The following FOXK1 variants were observed in gnomAD, a reference collection of about 807,000 sequenced individuals.
FOXK1 encodes forkhead box K1, also known as forkhead box protein K1.
FOXK1 carries 19 observed loss-of-function variants against 51.9 expected under a neutral mutation model. That is an observed-to-expected ratio of 0.37 (90% CI 0.26 to 0.54). The LOEUF is 0.54. FOXK1 is among the 20% of genes least tolerant of loss of function. The probability of loss-of-function intolerance (pLI) is 0.87; values close to 1 mark genes in which losing one functional copy is unlikely to be tolerated. For missense variants in FOXK1, 870 were observed against 1,032.7 expected (o/e 0.84, Z 2.16); for synonymous variants, 537 against 482.6 (o/e 1.11, Z -1.48).
intron 1 of FOXK1, among the ~76,000 whole-genome samples, chr7:4,721,238 G>A (rs540932486): frequency 4.6e-5 from 7 of 152,290 alleles, no homozygotes; most frequent in East Asian, 1.9e-4. Context: ...CCTGGACATC[G>A]TGGGGGCTTT....
In FOXK1 at chr7:4,753,269, C is replaced by T. The variant is rs897828512; in HGVS notation, c.747-1190C>T. Among the ~76,000 whole-genome samples, 7 of 152,202 alleles carry T rather than the reference C, an allele frequency of 4.6e-5. No individual in the cohort carries two copies. The highest frequency in any genetic ancestry group is 1.7e-4 in the African/African-American group (7 of 41,448). ...CATCCAAAAAATGTTTCTTGAGCCCCGCCTGCACCCAAGGGGGCTCCTACT... is the reference window on the plus strand; with the variant it reads ...CATCCAAAAAATGTTTCTTGAGCCCTGCCTGCACCCAAGGGGGCTCCTACT... On this transcript the variant is annotated intron_variant, in intron 2 of 8. Transcript: ENST00000328914. The surrounding 1 kb of genome is among the most constrained non-coding windows in gnomAD (Gnocchi z 4.9).
rs1482613172 is a variant in FOXK1 at position 4,703,272 on chromosome 7, T to C, written c.560+20404T>C. Among the ~76,000 whole-genome samples, 1 of 151,852 alleles carries C rather than the reference T, an allele frequency of 6.6e-6. No homozygotes were observed. The highest frequency in any genetic ancestry group is 1.5e-5 in the Non-Finnish European group (1 of 67,954). On this transcript the variant is annotated intron_variant, in intron 1 of 8. Transcript: ENST00000328914. The surrounding 1 kb of genome is among the most constrained non-coding windows in gnomAD (Gnocchi z 5.6). ...GAGACAGACCTCCAGCCATTGGGCC[T>C]CTCCGCTCTGGGGTGAGGGGAGGGA...
At position 4,715,512 on chromosome 7, in the gene FOXK1, C is replaced by T. The variant is rs1012167196; in HGVS notation, c.561-25326C>T. On this transcript the variant is annotated intron_variant, in intron 1 of 8. Coordinates refer to ENST00000328914, the MANE Select transcript of FOXK1 (RefSeq NM_001037165.2). The surrounding 1 kb of genome is among the most constrained non-coding windows in gnomAD (Gnocchi z 4.5). ...CGGTAGGAGCTGGAATGCCCGAGCT[C>T]TGAGAAGCTCTTCATCTATCAGCAG... 6.6e-6 allele frequency among the ~76,000 whole-genome samples: 1 copy of T among 152,302 alleles called. No individual in the cohort carries two copies. Among genetic ancestry groups the T allele is most frequent in the Non-Finnish European group, 1.5e-5 (1 of 68,038 alleles).
rs1381829367 is a variant in FOXK1 at position 4,683,410 on chromosome 7, A to G, written c.560+542A>G. Among the ~76,000 whole-genome samples the G allele has an allele frequency of 2.7e-5, 4 of 145,742 alleles. No homozygotes were observed. Among genetic ancestry groups the G allele is most frequent in the African/African-American group, 1.0e-4 (4 of 38,856 alleles). ...GCCTAAACACGCAAGGTTAACCGCG[A>G]CCCCCACTTCCTAGGCCCCCCCGGA... On this transcript the variant is annotated intron_variant, in intron 1 of 8. Coordinates refer to ENST00000328914, the MANE Select transcript of FOXK1 (RefSeq NM_001037165.2). This position sits in a 1 kb window ranked among gnomAD's most constrained non-coding sequence, Gnocchi z 4.5.
rs565262683 is a variant in FOXK1 at position 4,683,279 on chromosome 7, C to T, written c.560+411C>T. 2.0e-5 allele frequency among the ~76,000 whole-genome samples: 3 copies of T among 151,730 alleles called. No homozygotes were observed. Among genetic ancestry groups the T allele is most frequent in the South Asian group, 4.2e-4 (2 of 4,798 alleles). On this transcript the variant is annotated intron_variant, in intron 1 of 8. Coordinates refer to ENST00000328914, the MANE Select transcript of FOXK1 (RefSeq NM_001037165.2). This position sits in a 1 kb window ranked among gnomAD's most constrained non-coding sequence, Gnocchi z 4.5. Reference sequence around the variant, plus strand: ...CCCATCTGGCTGGGCCTCTTAGACCCCTGACCCAGATCCCTGCTGCTCCCC... The same window carrying T: ...CCCATCTGGCTGGGCCTCTTAGACCTCTGACCCAGATCCCTGCTGCTCCCC...
chr7:4,726,296 G>A (rs1016813139), intron 1 of FOXK1, among the ~76,000 whole-genome samples: 7 of 152,244 alleles, frequency 4.6e-5, no homozygotes, highest in African/African-American at 9.6e-5. Context: ...AGCTGGCCGC[G>A]GCAGGACGGC....
At chr7:4,692,833 C>T (rs1209347923) in intron 1 of FOXK1, among the ~76,000 whole-genome samples, 2 of 151,320 alleles carry the variant, frequency 1.3e-5, no homozygotes, top group Non-Finnish European at 2.9e-5. Flanking sequence ...CTCAAGCAGT[C>T]CTCCTGCCTC....
In FOXK1 at chr7:4,756,933, G is replaced by C; in HGVS notation, c.1051-61G>C. ...GGTCCCGCATCTGCTGCAGATTTGA[G>C]GTGGGTGGGACTCATTTTCTGATTT... is the stretch of plus-strand genomic sequence containing the variant. On this transcript the variant is annotated intron_variant, in intron 4 of 8. Coordinates refer to ENST00000328914, the MANE Select transcript of FOXK1 (RefSeq NM_001037165.2). This position sits in a 1 kb window ranked among gnomAD's most constrained non-coding sequence, Gnocchi z 4.1. 1 of 1,564,560 alleles carries C rather than the reference G, an allele frequency of 6.4e-7. No homozygotes were observed. The highest frequency in any genetic ancestry group is 8.7e-7 in the Non-Finnish European group (1 of 1,149,002).
chr7:4,716,929 G>A (rs1780241685), intron 1 of FOXK1, among the ~76,000 whole-genome samples: 1 of 152,218 alleles, frequency 6.6e-6, no homozygotes, highest in African/African-American at 2.4e-5. Flanking sequence ...CCAGGTGAAG[G>A]GCAAGTTGTA....
In FOXK1 at chr7:4,707,631, G is replaced by A. The variant is rs904206956; in HGVS notation, c.560+24763G>A. Among the ~76,000 whole-genome samples, 8 of 151,984 alleles carry A rather than the reference G, an allele frequency of 5.3e-5. No individual in the cohort carries two copies. The highest frequency in any genetic ancestry group is 1.0e-4 in the Non-Finnish European group (7 of 68,018). On this transcript the variant is annotated intron_variant, in intron 1 of 8. Transcript: ENST00000328914. This position sits in a 1 kb window ranked among gnomAD's most constrained non-coding sequence, Gnocchi z 4.1. Reference sequence around the variant, plus strand: ...GCCTCACTGGGTCTTTGCAGTTGGCGTGTTCCCCGGTGCCATTCGTATCTG... The same window carrying A: ...GCCTCACTGGGTCTTTGCAGTTGGCATGTTCCCCGGTGCCATTCGTATCTG...
chr7:4,713,486 G>C (rs1404138385), intron 1 of FOXK1, among the ~76,000 whole-genome samples: 1 of 134,126 alleles, frequency 7.5e-6, no homozygotes, highest in East Asian at 2.0e-4. Flanking sequence ...CATAACCACC[G>C]TGTTTTTTTT....
At position 4,753,542 on chromosome 7, in the gene FOXK1, A is replaced by G. The variant is rs1250506502; in HGVS notation, c.747-917A>G. Reference sequence around the variant, plus strand: ...TCAGCATCACAGGTGGGCAGGGTCCATCTCAGGACGGGGCTAGGTGGGTGC... The same window carrying G: ...TCAGCATCACAGGTGGGCAGGGTCCGTCTCAGGACGGGGCTAGGTGGGTGC... On this transcript the variant is annotated intron_variant, in intron 2 of 8. Coordinates refer to ENST00000328914, the MANE Select transcript of FOXK1 (RefSeq NM_001037165.2). The surrounding 1 kb of genome is among the most constrained non-coding windows in gnomAD (Gnocchi z 4.9). Among the ~76,000 whole-genome samples the G allele has an allele frequency of 6.6e-6, 1 of 152,142 alleles. No individual in the cohort carries two copies. The highest frequency in any genetic ancestry group is 1.5e-5 in the Non-Finnish European group (1 of 68,000).
chr7:4,704,228 A>C (rs1033226288), intron 1 of FOXK1, among the ~76,000 whole-genome samples: 1 of 152,146 alleles, frequency 6.6e-6, no homozygotes, highest in Admixed American at 6.6e-5. Context: ...AGGCAGGTGG[A>C]TCACTTGAGG....
chr7:4,705,546 TCTCTCTCTCTCTCG>T (rs1780075985), intron 1 of FOXK1, among the ~76,000 whole-genome samples: 3 of 125,188 alleles, frequency 2.4e-5, no homozygotes, highest in East Asian at 2.0e-4. Context: ...TCTCTCTCTC[TCTCTCTCTCTCTCG>T]CTCTCGCTCT....
rs566666447 is a variant in FOXK1, at chr7:4,709,578, A to T, written c.560+26710A>T. On this transcript the variant is annotated intron_variant, in intron 1 of 8. Coordinates refer to ENST00000328914, the MANE Select transcript of FOXK1 (RefSeq NM_001037165.2). The surrounding 1 kb of genome is among the most constrained non-coding windows in gnomAD (Gnocchi z 5.6). ...GAGCCCTGTGCACAGTTGGCTTCGC[A>T]GCAGGCCTGTGTGGTCTGCTAGAAA... Among the ~76,000 whole-genome samples the T allele has an allele frequency of 1.3e-5, 2 of 152,338 alleles. No homozygotes were observed. Among genetic ancestry groups the T allele is most frequent in the South Asian group, 4.1e-4 (2 of 4,834 alleles).
In FOXK1 at chr7:4,743,840, G is replaced by A. The variant is rs866491444; in HGVS notation, c.746+2817G>A. On this transcript the variant is annotated intron_variant, in intron 2 of 8. Transcript: ENST00000328914. The surrounding 1 kb of genome is among the most constrained non-coding windows in gnomAD (Gnocchi z 5.3). ...GCGCCCCCGCCTTAGCCTGGGAGTGGGTTATTAATCAGCAGGTTGTAATCC... is the reference window on the plus strand; with the variant it reads ...GCGCCCCCGCCTTAGCCTGGGAGTGAGTTATTAATCAGCAGGTTGTAATCC... 2.4e-4 allele frequency among the ~76,000 whole-genome samples: 37 copies of A among 152,218 alleles called. No homozygotes were observed. Among genetic ancestry groups the A allele is most frequent in the African/African-American group, 8.4e-4 (35 of 41,532 alleles).
rs1780521977 is a variant in FOXK1 at position 4,734,258 on chromosome 7, T to C, written c.561-6580T>C. Among the ~76,000 whole-genome samples the C allele has an allele frequency of 6.6e-6, 1 of 152,230 alleles. No homozygotes were observed. The highest frequency in any genetic ancestry group is 6.5e-5 in the Admixed American group (1 of 15,284). Reference sequence around the variant, plus strand: ...TCCCAGACAGAGCCTCTGAAGCTCCTGTTTTCTTTGTCCTTCCTGAGACAG... The same window carrying C: ...TCCCAGACAGAGCCTCTGAAGCTCCCGTTTTCTTTGTCCTTCCTGAGACAG... On this transcript the variant is annotated intron_variant, in intron 1 of 8. Transcript: ENST00000328914. The surrounding 1 kb of genome is among the most constrained non-coding windows in gnomAD (Gnocchi z 5.2).
intron 1 of FOXK1, among the ~76,000 whole-genome samples, chr7:4,721,738 G>T (rs1338434404): frequency 6.6e-6 from 1 of 151,720 alleles, no homozygotes; most frequent in East Asian, 1.9e-4. Flanking sequence ...TTACAGGCGT[G>T]AGACACCACG....
intron 2 of FOXK1, among the ~76,000 whole-genome samples, chr7:4,752,159 T>G (rs1015293530): frequency 6.6e-6 from 1 of 152,202 alleles, no homozygotes; most frequent in African/African-American, 2.4e-5. Context: ...ATGTATTTAT[T>G]TATTTATTTT....
Sources: gnomAD v4.1 joint callset for allele counts (sites outside exome capture counted in the v4.1 genomes callset) on GRCh38, gnomAD v4.1.1 for gene constraint, Gnocchi (gnomAD v3.1) non-coding constraint, MANE v1.5 for transcripts, NCBI Gene and HGNC (gene_info 2026-07-23, HGNC 2026-07-21) for gene names.